MTG1: variants seen among roughly 807,000 people sequenced by gnomAD.
MTG1 encodes the protein mitochondrial ribosome associated GTPase 1.
In MTG1, 30 loss-of-function variants were observed where a neutral mutation model predicts 39.5. The ratio of observed to expected loss-of-function variants is 0.76; its 90% confidence interval spans 0.57 to 1.03. The LOEUF (loss-of-function observed/expected upper bound fraction) is 1.03. Ranked by LOEUF, MTG1 falls within the 50% of genes least tolerant of loss-of-function variation. The probability of loss-of-function intolerance (pLI) is 0.00; values close to 1 mark genes in which losing one functional copy is unlikely to be tolerated. For synonymous variants in MTG1, 217 were observed against 179.0 expected, an observed-to-expected ratio of 1.21 and a Z score of -1.69; for missense variants, 513 against 447.4, an observed-to-expected ratio of 1.15 and a Z score of -1.32.
At chr10:133,413,889 C>T (rs957317062) in intron 9 of MTG1, among the ~76,000 whole-genome samples, 6 of 151,634 alleles carry the variant, frequency 4.0e-5, no homozygotes, top group Admixed American at 1.3e-4. Flanking sequence ...TTACCATCCA[C>T]ACCTTCTCAT....
At chr10:133,415,497 C>T (rs183624006) in intron 9 of MTG1, among the ~76,000 whole-genome samples, 57 of 152,106 alleles carry the variant, frequency 3.7e-4, no homozygotes, top group Admixed American at 1.3e-3. Context: ...TTCTCACTTG[C>T]GTGGTGTCTG....
chr10:133,399,494 G>A (rs375373912), intron 5 of MTG1, 35 bp from the exon 6 acceptor site: 192 of 1,601,056 alleles, frequency 1.2e-4, no homozygotes, highest in African/African-American at 6.7e-5. Flanking sequence ...TAGCGGCCAC[G>A]GTGGGCCCTG....
chr10:133,396,680 A>G (rs1458762799), intron 3 of MTG1, among the ~76,000 whole-genome samples: 1 of 152,234 alleles, frequency 6.6e-6, no homozygotes, highest in Admixed American at 6.5e-5. Context: ...TATGAATATT[A>G]CTAATCATTA....
intron 9 of MTG1, among the ~76,000 whole-genome samples, chr10:133,409,421 T>C (rs1473714228): frequency 6.6e-6 from 1 of 152,252 alleles, no homozygotes; most frequent in Non-Finnish European, 1.5e-5. Flanking sequence ...GATTTTGATT[T>C]GTTGAAACTT....
chr10:133,421,733 C>T lies in MTG1; in HGVS notation c.*1568C>T, dbSNP rs1850239020. The T allele has an allele frequency of 6.5e-6, 1 of 153,278 alleles. No homozygotes were observed. The highest frequency in any genetic ancestry group is 2.4e-5 in the African/African-American group (1 of 41,460). 9.5% of individuals were successfully genotyped at this position (153,278 alleles called of 1,614,324 possible). ...AACAGCTTCCAGATCCTCACCCAGGCCAGAACCCAGGCCAGCTGGGGAAGG... is the reference window on the plus strand; with the variant it reads ...AACAGCTTCCAGATCCTCACCCAGGTCAGAACCCAGGCCAGCTGGGGAAGG... On this transcript the variant is annotated 3_prime_UTR_variant, in exon 11 of 11. Coordinates refer to ENST00000317502, the MANE Select transcript of MTG1 (RefSeq NM_138384.4).
intron 4 of MTG1, 72 bp downstream of exon 4, chr10:133,398,587 A>G: frequency 6.0e-6 from 9 of 1,494,050 alleles, no homozygotes; most frequent in Non-Finnish European, 9.1e-7. Context: ...AAACTGTTTT[A>G]TGCTTTAGTA....
chr10:133,402,868 G>T lies in MTG1; in HGVS notation c.752+95G>T. 1 of 974,854 alleles carries T rather than the reference G, an allele frequency of 1.0e-6. No homozygotes were observed. Among genetic ancestry groups the T allele is most frequent in the Non-Finnish European group, 1.5e-6 (1 of 661,224 alleles). The allele number at this position is 974,854 out of a possible 1,614,324, so 60.4% of individuals were successfully genotyped here. ...ACAAAAAAACCCCCAGCATTATAAA[G>T]GTATTATAAACACGGTAACCTGCAC... is the stretch of plus-strand genomic sequence containing the variant. On this transcript the variant is annotated intron_variant, in intron 9 of 10. Transcript: ENST00000317502. The surrounding 1 kb of genome is among the most constrained non-coding windows in gnomAD (Gnocchi z 4.7).
At chr10:133,407,656 C>A (rs1849987664) in intron 9 of MTG1, among the ~76,000 whole-genome samples, 1 of 151,882 alleles carries the variant, frequency 6.6e-6, no homozygotes, top group African/African-American at 2.4e-5. Context: ...GCAACCTCCG[C>A]TTCCTGGGTT....
At position 133,416,721 on chromosome 10, in the gene MTG1, A is replaced by C. The variant is rs558589732; in HGVS notation, c.753-2759A>C. Among the ~76,000 whole-genome samples, 970 of 146,068 alleles carry C rather than the reference A, an allele frequency of 6.6e-3. 4 individuals are homozygous for C. Among genetic ancestry groups the C allele is most frequent in the Middle Eastern group, 0.014 (4 of 290 alleles). ...TTCCAATTTCATCCATGTCCCTACA[A>C]AGGACATGAACTCATCATTTTTTAT... On this transcript the variant is annotated intron_variant, in intron 9 of 10. Coordinates refer to ENST00000317502, the MANE Select transcript of MTG1 (RefSeq NM_138384.4).
chr10:133,399,052 C>T (rs553637568), intron 4 of MTG1, 118 bp from the exon 5 acceptor site: 25 of 1,125,332 alleles, frequency 2.2e-5, no homozygotes, highest in Admixed American at 5.5e-5. Flanking sequence ...GTTTTCCTAA[C>T]GGATATGTGA....
intron 9 of MTG1, among the ~76,000 whole-genome samples, chr10:133,415,199 AGCG>A (rs1850106333): frequency 1.3e-5 from 2 of 150,896 alleles, no homozygotes; most frequent in African/African-American, 2.4e-5. Context: ...GAGGGAGCGG[AGCG>A]GGAGCGGGAG....
At chr10:133,409,339 T>G (rs1850011946) in intron 9 of MTG1, among the ~76,000 whole-genome samples, 1 of 152,254 alleles carries the variant, frequency 6.6e-6, no homozygotes, top group Non-Finnish European at 1.5e-5. Flanking sequence ...CATGTGTTTG[T>G]GTAGTTTTTG....
At chr10:133,416,599 T>G in intron 9 of MTG1, among the ~76,000 whole-genome samples, 1 of 130,974 alleles carries the variant, frequency 7.6e-6, no homozygotes, top group Non-Finnish European at 1.6e-5. Context: ...TTCCCCTTCC[T>G]GTGTCCATGT....
Position 133,422,165 on chromosome 10 carries a change from G to A in MTG1, c.*2000G>A, listed in dbSNP as rs898912422. Reference sequence around the variant, plus strand: ...CTCTTGCATGGGTGTCCTGCTGGGCGCTGGGCCCCGCCACTGGCCCCCTGC... The same window carrying A: ...CTCTTGCATGGGTGTCCTGCTGGGCACTGGGCCCCGCCACTGGCCCCCTGC... On this transcript the variant is annotated 3_prime_UTR_variant, in exon 11 of 11. Transcript: ENST00000317502. The A allele has an allele frequency of 4.6e-5, 7 of 152,578 alleles. No individual in the cohort carries two copies. The highest frequency in any genetic ancestry group is 8.8e-5 in the Non-Finnish European group (6 of 68,314). The allele number at this position is 152,578 out of a possible 1,614,324, so 9.5% of individuals were successfully genotyped here. A position where few individuals can be genotyped will look rare whatever the true frequency, so the allele number is the denominator to read the frequency against.
At chr10:133,394,556 G>T in intron 1 of MTG1, 1 of 1,337,808 alleles carries the variant, frequency 7.5e-7, no homozygotes, top group Non-Finnish European at 9.5e-7. Context: ...GAGTGCCCCC[G>T]CGGCGCAGCC....
intron 7 of MTG1, chr10:133,401,839 G>A: frequency 1.5e-6 from 1 of 660,526 alleles, no homozygotes; most frequent in Non-Finnish European, 2.7e-6. Context: ...ACTGTCCAGG[G>A]CCATGCAGTG....
rs201624361 is a variant in MTG1 at position 133,419,447 on chromosome 10, G to GC, written c.753-28dup. On this transcript the variant is annotated intron_variant, in intron 9 of 10. Coordinates refer to ENST00000317502, the MANE Select transcript of MTG1 (RefSeq NM_138384.4). ...GCTGGCCGCGCGGTGTCAGTGCTGGGCCCCCTGGTGCTGACCTGCAGCCTA... is the reference window on the plus strand; with the variant it reads ...GCTGGCCGCGCGGTGTCAGTGCTGGGCCCCCCTGGTGCTGACCTGCAGCCTA... 7.0e-3 allele frequency: 10,837 copies of GC among 1,549,408 alleles called. 89 individuals carry two copies. Among genetic ancestry groups the GC allele is most frequent in the Middle Eastern group, 0.018 (81 of 4,572 alleles).
chr10:133,412,481 A>G (rs1425200523), intron 9 of MTG1, among the ~76,000 whole-genome samples: 2 of 152,220 alleles, frequency 1.3e-5, no homozygotes, highest in South Asian at 2.1e-4. Flanking sequence ...GTCATTTGCA[A>G]ATAAAGATCA....
At chr10:133,404,129 C>CTTTTTTT (rs57165977) in intron 9 of MTG1, among the ~76,000 whole-genome samples, 16 of 91,170 alleles carry the variant, frequency 1.8e-4, no homozygotes, top group African/African-American at 2.2e-4. Context: ...AAGTTTTAAT[C>CTTTTTTT]TTTTTTTTTT....
Sources: allele counts gnomAD v4.1 joint callset (sites outside exome capture counted in the v4.1 genomes callset), GRCh38; gene constraint gnomAD v4.1.1; non-coding constraint Gnocchi (gnomAD v3.1); transcripts MANE v1.5; gene names NCBI Gene and HGNC (gene_info 2026-07-23, HGNC 2026-07-21).